The following ALK variants were observed in gnomAD, a reference collection of about 807,000 sequenced individuals.
ALK encodes ALK tyrosine kinase receptor.
ALK carries 74 observed loss-of-function variants against 163.1 expected under a neutral mutation model. That is an observed-to-expected ratio of 0.45 (90% CI 0.38 to 0.55). The LOEUF (loss-of-function observed/expected upper bound fraction) is 0.55. Ranked by LOEUF, ALK falls within the 20% of genes least tolerant of loss-of-function variation. The pLI is 0.00. For missense variants in ALK, 2,063 were observed against 2,105.3 expected, an observed-to-expected ratio of 0.98 and a Z score of 0.39; for synonymous variants, 960 against 843.2, an observed-to-expected ratio of 1.14 and a Z score of -2.40.
chr2:29,919,779 G>A (rs1302443176), intron 1 of ALK, among the ~76,000 whole-genome samples: 1 of 152,148 alleles, frequency 6.6e-6, no homozygotes, highest in Admixed American at 6.5e-5. Context: ...CCCCAACTTG[G>A]TTGCTAAAGA....
At chr2:29,219,199 G>GAGAC (rs1306711251) in intron 23 of ALK, among the ~76,000 whole-genome samples, 2 of 152,322 alleles carry the variant, frequency 1.3e-5, no homozygotes, top group South Asian at 2.1e-4. Flanking sequence ...GGGCTCTTAT[G>GAGAC]AGACAGACAG....
At chr2:29,686,407 T>C (rs1329324899) in intron 3 of ALK, among the ~76,000 whole-genome samples, 3 of 152,216 alleles carry the variant, frequency 2.0e-5, no homozygotes, top group Non-Finnish European at 1.5e-5. Context: ...GGTGGGTCTC[T>C]CTCCCTGGGC....
chr2:29,356,291 T>C (rs1558690919), intron 5 of ALK, among the ~76,000 whole-genome samples: 1 of 152,228 alleles, frequency 6.6e-6, no homozygotes, highest in South Asian at 2.1e-4. Flanking sequence ...ATAGTATTAT[T>C]AACTTCTTTT....
chr2:29,221,078 A>T, intron 22 of ALK: 1 of 634,974 alleles, frequency 1.6e-6, no homozygotes, highest in East Asian at 3.2e-5. Context: ...TGGAGCTGTG[A>T]GGATGTTGCT....
chr2:29,196,800 G>A lies in ALK; in HGVS notation c.4134C>T (p.Ile1378=), dbSNP rs754359252. 6.8e-6 allele frequency: 11 copies of A among 1,614,020 alleles called. No individual in the cohort carries two copies. The highest frequency in any genetic ancestry group is 8.5e-6 in the Non-Finnish European group (10 of 1,179,964). Residue 1378 remains isoleucine, a synonymous_variant, in exon 28 of 29, where the codon ATC becomes ATT. Transcript: ENST00000389048. ...TGCAGTATTCAATCCTCTCCAAAAT[G>A]ATGGCAAAGTTGGGCCTGTCTTCAG... is the stretch of plus-strand genomic sequence containing the variant. The part of the protein sequence containing the change: ...HQPEDRPNFA[I]ILERIEYCTQ...
At chr2:29,863,041 T>C (rs558445922) in intron 1 of ALK, among the ~76,000 whole-genome samples, 1 of 152,154 alleles carries the variant, frequency 6.6e-6, no homozygotes. Flanking sequence ...AGAAAGAGCA[T>C]TGGGAAAACT....
At chr2:29,221,504 A>T (rs1401426266) in intron 22 of ALK, among the ~76,000 whole-genome samples, 6 of 152,136 alleles carry the variant, frequency 3.9e-5, no homozygotes, top group African/African-American at 1.5e-4. Context: ...AATAATGGTT[A>T]GTTACCACCA....
intron 4 of ALK, among the ~76,000 whole-genome samples, chr2:29,516,335 G>C (rs1009255745): frequency 2.6e-5 from 4 of 152,214 alleles, no homozygotes; most frequent in Non-Finnish European, 5.9e-5. Context: ...AGCTTGCAAT[G>C]GTTCTGCTCT....
chr2:29,288,059 G>T (rs772373637), intron 9 of ALK, among the ~76,000 whole-genome samples: 1 of 151,694 alleles, frequency 6.6e-6, no homozygotes, highest in African/African-American at 2.4e-5. Context: ...ACTCATGGGG[G>T]TGGGAGGGAT....
At chr2:29,269,219 G>T (rs1573178215) in intron 11 of ALK, among the ~76,000 whole-genome samples, 1 of 152,218 alleles carries the variant, frequency 6.6e-6, no homozygotes, top group African/African-American at 2.4e-5. Flanking sequence ...GGAGGTGGCT[G>T]ACAAATGGCG....
chr2:29,238,809 A>T (rs1331849508), intron 13 of ALK, among the ~76,000 whole-genome samples: 1 of 152,182 alleles, frequency 6.6e-6, no homozygotes. Context: ...TAGATTGATT[A>T]ATAAAAATGA....
chr2:29,292,534 T>A (rs1396833953), intron 9 of ALK, among the ~76,000 whole-genome samples: 3 of 151,940 alleles, frequency 2.0e-5, no homozygotes, highest in African/African-American at 7.3e-5. Flanking sequence ...GCTGATAAAG[T>A]GGGGAGAGGA....
Position 29,284,207 on chromosome 2 carries a change from C to A in ALK, c.1818-8711G>T, listed in dbSNP as rs1477213028. Among the ~76,000 whole-genome samples, 15 of 152,014 alleles carry A rather than the reference C, an allele frequency of 9.9e-5. No individual in the cohort carries two copies. In the South Asian group the frequency reaches 3.1e-3, roughly 32 times the overall value. ...AATGTGGAAGGTGTGGGTGGGACAC[C>A]AGTCAGGCAGCTGGAAACCCAGGTG... is the stretch of plus-strand genomic sequence containing the variant. On this transcript the variant is annotated intron_variant, in intron 9 of 28. Transcript: ENST00000389048.
At chr2:29,568,349 G>A (rs963398958) in intron 3 of ALK, among the ~76,000 whole-genome samples, 3 of 152,178 alleles carry the variant, frequency 2.0e-5, no homozygotes, top group African/African-American at 7.2e-5. Flanking sequence ...TTTTGACAAC[G>A]GCATAGTGAC....
chr2:29,710,619 G>A (rs1679061426), intron 2 of ALK, among the ~76,000 whole-genome samples: 1 of 151,866 alleles, frequency 6.6e-6, no homozygotes, highest in African/African-American at 2.4e-5. Context: ...AGGTTCAAAC[G>A]ATTCTCCTAC....
At chr2:29,308,581 G>A (rs1422845817) in intron 8 of ALK, among the ~76,000 whole-genome samples, 1 of 152,196 alleles carries the variant, frequency 6.6e-6, no homozygotes, top group African/African-American at 2.4e-5. Flanking sequence ...TGTGGAATGC[G>A]GTGGGACCGT....
At chr2:29,881,589 G>T (rs867636037) in intron 1 of ALK, among the ~76,000 whole-genome samples, 8 of 152,114 alleles carry the variant, frequency 5.3e-5, no homozygotes, top group African/African-American at 9.7e-5. Flanking sequence ...CTGTCTCCCC[G>T]CCTCCTGCGT....
chr2:29,568,271 G>T (rs1674251643), intron 3 of ALK, among the ~76,000 whole-genome samples: 1 of 152,252 alleles, frequency 6.6e-6, no homozygotes, highest in Non-Finnish European at 1.5e-5. Flanking sequence ...ACCTTTTGCA[G>T]TGACTGACAA....
chr2:29,893,230 A>T (rs1667190974), intron 1 of ALK, among the ~76,000 whole-genome samples: 1 of 152,104 alleles, frequency 6.6e-6, no homozygotes, highest in South Asian at 2.1e-4. Context: ...ATTTATTCTC[A>T]GCTTCATGGT....
Sources: allele counts gnomAD v4.1 joint callset (sites outside exome capture counted in the v4.1 genomes callset), GRCh38; gene constraint gnomAD v4.1.1; transcripts MANE v1.5; gene names NCBI Gene and HGNC (gene_info 2026-07-23, HGNC 2026-07-21).